The following DMD variants were observed in gnomAD, a reference collection of about 807,000 sequenced individuals.
The protein encoded by DMD is dystrophin, also known as mutant dystrophin.
DMD carries 63 observed loss-of-function variants against 330.1 expected under a neutral mutation model. The observed-to-expected ratio is 0.19, with a 90% CI of 0.16 to 0.24. The LOEUF is 0.24. Among genes scored for constraint, DMD ranks in the 10% least tolerant of loss-of-function variants. The pLI, the probability that DMD is intolerant of heterozygous loss-of-function variation, is 1.00. For missense variants in DMD, 3,344 were observed against 2,684.1 expected (o/e 1.25, Z -5.43); for synonymous variants, 1,223 against 959.8 (o/e 1.27, Z -5.07).
chrX:32,797,099 G>A (rs1367269410), intron 7 of DMD, among the ~76,000 whole-genome samples: 1 of 111,624 alleles, frequency 9.0e-6, no homozygotes, highest in Non-Finnish European at 1.9e-5. Flanking sequence ...TTCATTTGCA[G>A]GTTCTGTGAT....
chrX:31,617,095 G>C (rs2078241772), intron 55 of DMD, among the ~76,000 whole-genome samples: 1 of 111,932 alleles, frequency 8.9e-6, no homozygotes, highest in African/African-American at 3.2e-5. Flanking sequence ...CATTGGAAAG[G>C]AATAAAAATG....
At chrX:32,190,061 T>C (rs2096966103) in intron 44 of DMD, among the ~76,000 whole-genome samples, 1 of 110,240 alleles carries the variant, frequency 9.1e-6, no homozygotes, top group Non-Finnish European at 1.9e-5. Flanking sequence ...ATGATTTTGC[T>C]CCCCAAGGGA....
At chrX:31,479,283 GAAAGCGCTGTGTTTGT>G (rs1318942816) in intron 57 of DMD, among the ~76,000 whole-genome samples, 180 bp from the exon 58 acceptor site, 1 of 111,657 alleles carries the variant, frequency 9.0e-6, no homozygotes, top group Non-Finnish European at 1.9e-5. Flanking sequence ...TGTTAATGAG[GAAAGCGCTGTGTTTGT>G]AAAGCTATTC....
At chrX:32,458,573 G>A (rs1365730900) in intron 25 of DMD, among the ~76,000 whole-genome samples, 1 of 110,971 alleles carries the variant, frequency 9.0e-6, no homozygotes, top group African/African-American at 3.3e-5. Context: ...CCTCCAAACT[G>A]TTCTCCCAAA....
At chrX:32,024,814 CCATCAT>C (rs908766444) in intron 44 of DMD, among the ~76,000 whole-genome samples, 5 of 111,720 alleles carry the variant, frequency 4.5e-5, no homozygotes, top group Non-Finnish European at 9.4e-5. Flanking sequence ...ATCATCATCG[CCATCAT>C]CATTATTACT....
intron 7 of DMD, among the ~76,000 whole-genome samples, chrX:32,746,804 G>A (rs1037382672): frequency 3.6e-5 from 4 of 110,834 alleles, no homozygotes; most frequent in African/African-American, 9.9e-5. Context: ...GTACATATCC[G>A]TCCTATTTAG....
intron 44 of DMD, among the ~76,000 whole-genome samples, chrX:32,089,770 T>C (rs760830548): frequency 1.8e-5 from 2 of 112,255 alleles, no homozygotes; most frequent in African/African-American, 6.5e-5. Flanking sequence ...CATATGTCTT[T>C]ATGGTAGAAT....
chrX:31,195,587 T>C (rs2042785538), intron 67 of DMD, among the ~76,000 whole-genome samples: 1 of 110,594 alleles, frequency 9.0e-6, no homozygotes, highest in African/African-American at 3.3e-5. Flanking sequence ...AAAATCCAGT[T>C]CAGGAAAAGG....
intron 44 of DMD, among the ~76,000 whole-genome samples, chrX:31,998,314 A>G (rs980300515): frequency 2.6e-4 from 29 of 111,885 alleles, no homozygotes; most frequent in African/African-American, 9.1e-4. Context: ...CTAGTAGAAC[A>G]AACAATATTT....
In DMD at chrX:33,086,683, A is replaced by G. The variant is rs1200652708; in HGVS notation, c.32-66483T>C. On this transcript the variant is annotated intron_variant, in intron 1 of 78. Coordinates refer to ENST00000357033, the MANE Select transcript of DMD (RefSeq NM_004006.3). ...CTTTAGAAAGACTGACCCAATATTAAAATCCAAGCTGTTAGATTTTAAAGT... is the reference window on the plus strand; with the variant it reads ...CTTTAGAAAGACTGACCCAATATTAGAATCCAAGCTGTTAGATTTTAAAGT... Among the ~76,000 whole-genome samples, 3 of 110,504 alleles carry G rather than the reference A, an allele frequency of 2.7e-5. No individual in the cohort carries two copies. In the Admixed American group the frequency reaches 2.9e-4, roughly 11 times the overall value.
rs764769904 is a variant in DMD at position 31,273,500 on chromosome X, A to T, written c.9225-12484T>A. On this transcript the variant is annotated intron_variant, in intron 62 of 78. Coordinates refer to ENST00000357033, the MANE Select transcript of DMD (RefSeq NM_004006.3). ...TGAAATACTCAAATTTCAAAAAAAA[A>T]TTTTAAATGCTAATGTAACCATTGT... 1.5e-4 allele frequency among the ~76,000 whole-genome samples: 17 copies of T among 112,195 alleles called. No homozygotes were observed. In the East Asian group the frequency reaches 3.1e-3, roughly 20 times the overall value.
intron 2 of DMD, among the ~76,000 whole-genome samples, chrX:32,965,572 C>A (rs1322581381): frequency 9.2e-6 from 1 of 109,160 alleles, no homozygotes; most frequent in African/African-American, 3.3e-5. Context: ...AAGTGATATA[C>A]TTTCGGGGAT....
intron 60 of DMD, among the ~76,000 whole-genome samples, chrX:31,442,355 G>T (rs1399221415): frequency 9.0e-6 from 1 of 111,447 alleles, no homozygotes; most frequent in Non-Finnish European, 1.9e-5. Context: ...TAAGTTTGAA[G>T]TTAGACCTCC....
At chrX:32,556,671 G>A (rs1206525733) in intron 16 of DMD, among the ~76,000 whole-genome samples, 2 of 111,576 alleles carry the variant, frequency 1.8e-5, no homozygotes, top group Non-Finnish European at 1.9e-5. Context: ...AAATCACTCA[G>A]TTTCAGGTAT....
intron 43 of DMD, among the ~76,000 whole-genome samples, chrX:32,229,713 T>TATATAA (rs1557225998): frequency 1.5e-3 from 124 of 81,859 alleles, no homozygotes; most frequent in African/African-American, 5.1e-3. Context: ...TATATATATA[T>TATATAA]ATATATATAT....
intron 18 of DMD, among the ~76,000 whole-genome samples, chrX:32,504,614 A>G (rs929903068): frequency 5.4e-5 from 6 of 111,474 alleles, no homozygotes; most frequent in African/African-American, 1.6e-4. Flanking sequence ...GTGACAGAGT[A>G]AGACTCTGTC....
chrX:31,202,083 G>A lies in DMD; in HGVS notation c.9807+1878C>T, dbSNP rs781135444. The stretch of plus-strand genomic sequence containing the variant: ...ACCCTGTAATCCCAGCTACTCGGGA[G>A]GCTGAGGCATGACAATTGCTTGAAC... On this transcript the variant is annotated intron_variant, in intron 67 of 78. Transcript: ENST00000357033. Among the ~76,000 whole-genome samples, 4 of 111,057 alleles carry A rather than the reference G, an allele frequency of 3.6e-5. No homozygotes were observed. In the South Asian group the frequency reaches 1.5e-3, roughly 43 times the overall value.
intron 50 of DMD, among the ~76,000 whole-genome samples, chrX:31,797,318 A>G (rs895177546): frequency 2.7e-5 from 3 of 110,896 alleles, no homozygotes; most frequent in Non-Finnish European, 3.8e-5. Flanking sequence ...AGATCACTGA[A>G]AAACCAAACC....
intron 1 of DMD, among the ~76,000 whole-genome samples, chrX:33,225,748 G>C (rs781317320): frequency 9.0e-6 from 1 of 110,935 alleles, no homozygotes; most frequent in Non-Finnish European, 1.9e-5. Context: ...TTTGCTCTGA[G>C]AAAGATGCTG....
Sources: allele counts gnomAD v4.1 joint callset (sites outside exome capture counted in the v4.1 genomes callset), GRCh38; gene constraint gnomAD v4.1.1; transcripts MANE v1.5; gene names NCBI Gene and HGNC (gene_info 2026-07-23, HGNC 2026-07-21).